The following CLYBL variants were observed in gnomAD, a reference collection of about 807,000 sequenced individuals.
CLYBL encodes citramalyl-CoA lyase, mitochondrial.
CLYBL carries 31 observed loss-of-function variants against 38.9 expected under a neutral mutation model. That is an observed-to-expected ratio of 0.80 (90% confidence interval 0.60 to 1.08). CLYBL has a LOEUF of 1.08. Ranked by LOEUF, CLYBL falls within the 50% of genes least tolerant of loss-of-function variation. The pLI, the probability that CLYBL is intolerant of heterozygous loss-of-function variation, is 0.00. For missense variants in CLYBL, 434 were observed against 411.6 expected (o/e 1.05, Z -0.47); for synonymous variants, 171 against 158.6 (o/e 1.08, Z -0.59).
At chr13:99,638,680 A>G (rs1036036441) in intron 1 of CLYBL, among the ~76,000 whole-genome samples, 2 of 152,248 alleles carry the variant, frequency 1.3e-5, no homozygotes, top group African/African-American at 4.8e-5. Flanking sequence ...AGCACTCTCA[A>G]CAACTGTGTG....
chr13:99,896,810 A>G (rs1209149496), downstream of CLYBL: 2 of 152,238 alleles, frequency 1.3e-5, no homozygotes, highest in Admixed American at 6.5e-5. Flanking sequence ...GGTAATCCCA[A>G]GTTTAAGAAG....
chr13:99,783,787 T>G (rs1247476540), intron 2 of CLYBL: 1 of 152,036 alleles, frequency 6.6e-6, no homozygotes, highest in East Asian at 1.9e-4. Context: ...TTGATTAAAC[T>G]TTGGGACACT....
chr13:99,815,750 A>G lies in CLYBL; in HGVS notation c.249+42740A>G, dbSNP rs190503338. Among the ~76,000 whole-genome samples, 47 of 152,186 alleles carry G rather than the reference A, an allele frequency of 3.1e-4. 1 individual carries two copies. Among genetic ancestry groups the G allele is most frequent in the African/African-American group, 1.1e-3 (44 of 41,520 alleles). On this transcript the variant is annotated intron_variant, in intron 2 of 8. Coordinates refer to ENST00000339105, the MANE Select transcript of CLYBL (RefSeq NM_206808.5). ...AAATTAGCCATGCATGATTGTGTGC[A>G]CCTGTAATCTCAGCTACTCTGGAGG...
intron 1 of CLYBL, among the ~76,000 whole-genome samples, chr13:99,634,799 CA>C (rs2046996124): frequency 6.6e-6 from 1 of 152,120 alleles, no homozygotes; most frequent in Non-Finnish European, 1.5e-5. Context: ...GACTGGGAGT[CA>C]GGATTGGGTT....
chr13:99,722,739 C>A (rs1365147281), intron 1 of CLYBL, among the ~76,000 whole-genome samples: 1 of 152,166 alleles, frequency 6.6e-6, no homozygotes, highest in Non-Finnish European at 1.5e-5. Context: ...GAGAATAGGG[C>A]TTCTTCTATG....
intron 1 of CLYBL, among the ~76,000 whole-genome samples, chr13:99,763,322 A>G (rs2049200089): frequency 6.6e-6 from 1 of 152,082 alleles, no homozygotes; most frequent in African/African-American, 2.4e-5. Flanking sequence ...TATGACCCCT[A>G]TATTTTGAGG....
chr13:99,841,051 T>C (rs1016925167), intron 2 of CLYBL, among the ~76,000 whole-genome samples: 2 of 152,212 alleles, frequency 1.3e-5, no homozygotes, highest in Non-Finnish European at 2.9e-5. Context: ...AAGGACCATC[T>C]GCAACCTATA....
At chr13:99,866,622 T>A (rs1054389845) in intron 6 of CLYBL, among the ~76,000 whole-genome samples, 4 of 145,820 alleles carry the variant, frequency 2.7e-5, no homozygotes, top group African/African-American at 1.0e-4. Flanking sequence ...TTTTATTTCC[T>A]CTTTATATTA....
intron 1 of CLYBL, among the ~76,000 whole-genome samples, chr13:99,752,133 T>C (rs1180014475): frequency 2.0e-5 from 3 of 152,160 alleles, no homozygotes; most frequent in African/African-American, 7.2e-5. Context: ...CATATGCCGC[T>C]GGTGGGAGTG....
intron 7 of CLYBL, among the ~76,000 whole-genome samples, chr13:99,886,286 A>T (rs1308254144): frequency 1.3e-5 from 2 of 152,240 alleles, no homozygotes; most frequent in Non-Finnish European, 2.9e-5. Context: ...ATGGAGAAAA[A>T]AGTCAAGTAC....
At chr13:99,760,162 T>G (rs2049138590) in intron 1 of CLYBL, among the ~76,000 whole-genome samples, 1 of 152,232 alleles carries the variant, frequency 6.6e-6, no homozygotes, top group African/African-American at 2.4e-5. Context: ...GAATCAGTAG[T>G]AATATCCCCA....
At chr13:99,669,537 T>C (rs2047534113) in intron 1 of CLYBL, among the ~76,000 whole-genome samples, 1 of 152,196 alleles carries the variant, frequency 6.6e-6, no homozygotes. Context: ...TTTTCCCAAA[T>C]AGGAAATGGA....
chr13:99,866,657 T>C (rs1363827109), intron 6 of CLYBL, among the ~76,000 whole-genome samples: 10 of 150,242 alleles, frequency 6.7e-5, no homozygotes, highest in Admixed American at 6.6e-4. Context: ...TTTCTCTCCA[T>C]CCTCTTAATC....
intron 1 of CLYBL, among the ~76,000 whole-genome samples, chr13:99,714,948 CTAAA>C (rs768043172): frequency 1.3e-5 from 2 of 151,856 alleles, no homozygotes; most frequent in Admixed American, 6.6e-5. Flanking sequence ...GACTCTGTCT[CTAAA>C]TAAATAAATA....
chr13:99,666,283 G>T (rs1405763801), intron 1 of CLYBL, among the ~76,000 whole-genome samples: 1 of 152,182 alleles, frequency 6.6e-6, no homozygotes, highest in Non-Finnish European at 1.5e-5. Context: ...TACAGCCCCT[G>T]CCAAGAAGCT....
intron 1 of CLYBL, among the ~76,000 whole-genome samples, chr13:99,631,637 C>G (rs905638961): frequency 6.6e-6 from 1 of 151,492 alleles, no homozygotes; most frequent in Non-Finnish European, 1.5e-5. Context: ...CTCGCTCAGT[C>G]GCCCAGGCTG....
chr13:99,788,294 G>A (rs905928795), intron 2 of CLYBL, among the ~76,000 whole-genome samples: 1 of 152,190 alleles, frequency 6.6e-6, no homozygotes, highest in African/African-American at 2.4e-5. Context: ...CAAAGGGAAT[G>A]CTTCCAGTTT....
At chr13:99,673,569 A>G (rs1328174228) in intron 1 of CLYBL, among the ~76,000 whole-genome samples, 1 of 152,180 alleles carries the variant, frequency 6.6e-6, no homozygotes, top group African/African-American at 2.4e-5. Context: ...ACTTTTGAGG[A>G]AGAATGGTCT....
At chr13:99,880,905 T>C (rs1242860470) in intron 7 of CLYBL, among the ~76,000 whole-genome samples, 1 of 152,218 alleles carries the variant, frequency 6.6e-6, no homozygotes, top group Non-Finnish European at 1.5e-5. Flanking sequence ...ATCCACTAAC[T>C]GCCCAGGGTG....
Sources: allele counts gnomAD v4.1 joint callset (sites outside exome capture counted in the v4.1 genomes callset), GRCh38; gene constraint gnomAD v4.1.1; transcripts MANE v1.5; gene names NCBI Gene and HGNC (gene_info 2026-07-23, HGNC 2026-07-21).